The following SPP1 variants were observed in gnomAD, a reference collection of about 807,000 sequenced individuals.
The protein encoded by SPP1 is osteopontin.
SPP1 carries 18 observed loss-of-function variants against 20.8 expected under a neutral mutation model. The observed-to-expected ratio is 0.87, with a 90% confidence interval of 0.60 to 1.29. The LOEUF (loss-of-function observed/expected upper bound fraction) is 1.29, where lower values mean the gene tolerates loss of function less well. Among genes scored for constraint, SPP1 ranks in the 50% most tolerant of loss-of-function variants. SPP1 has a pLI of 0.00. For missense variants in SPP1, 363 were observed against 389.0 expected, an observed-to-expected ratio of 0.93 and a Z score of 0.56; for synonymous variants, 146 against 141.5, an observed-to-expected ratio of 1.03 and a Z score of -0.23.
chr4:87,978,308 GT>G (rs781670241), intron 3 of SPP1, among the ~76,000 whole-genome samples: 9 of 150,702 alleles, frequency 6.0e-5, no homozygotes, highest in Non-Finnish European at 1.3e-4. Flanking sequence ...TATTACATGT[GT>G]CATGAGAATA....
intron 5 of SPP1, 138 bp from the exon 6 acceptor site, chr4:87,981,337 A>ATGTAC: frequency 1.4e-6 from 1 of 712,936 alleles, no homozygotes; most frequent in South Asian, 2.2e-5. Context: ...TTTAGCTCCT[A>ATGTAC]AAAGCCATGG....
At chr4:87,978,823 C>G (rs531967967) in intron 3 of SPP1, among the ~76,000 whole-genome samples, 105 of 152,232 alleles carry the variant, frequency 6.9e-4, no homozygotes, top group African/African-American at 2.5e-3. Context: ...ACTCATCCAC[C>G]CCTTAGGTGG....
chr4:87,983,000 T>A lies in SPP1; in HGVS notation c.*104T>A. On this transcript the variant is annotated 3_prime_UTR_variant, in exon 7 of 7. Coordinates refer to ENST00000395080, the MANE Select transcript of SPP1 (RefSeq NM_001040058.2). ...AAATGCTTCTTTCTCAGTTTATTGG[T>A]TGAATGTGTATCTATTTGAGTCTGG... 1 of 1,159,070 alleles carries A rather than the reference T, an allele frequency of 8.6e-7. No individual in the cohort carries two copies. Among genetic ancestry groups the A allele is most frequent in the South Asian group, 1.6e-5 (1 of 60,792 alleles). 71.8% of individuals were successfully genotyped at this position (1,159,070 alleles called of 1,614,324 possible).
intron 1 of SPP1, 60 bp downstream of exon 1, chr4:87,975,860 ATTCT>A (rs1177916129): frequency 1.3e-5 from 2 of 152,256 alleles, no homozygotes; most frequent in African/African-American, 4.8e-5. Flanking sequence ...GGAAGTCCAA[ATTCT>A]AAGGAAAAAT....
At chr4:87,981,335 C>CATGG in intron 5 of SPP1, 140 bp from the exon 6 acceptor site, 1 of 699,622 alleles carries the variant, frequency 1.4e-6, no homozygotes, top group South Asian at 2.3e-5. Flanking sequence ...ACTTTAGCTC[C>CATGG]TAAAAGCCAT....
At chr4:87,979,571 A>C (rs1202041258) in intron 3 of SPP1, among the ~76,000 whole-genome samples, 1 of 152,184 alleles carries the variant, frequency 6.6e-6, no homozygotes, top group African/African-American at 2.4e-5. Context: ...CATGGACTGG[A>C]CACAATGAAG....
chr4:87,980,339 A>G, intron 4 of SPP1, 54 bp from the exon 5 acceptor site: 2 of 1,602,446 alleles, frequency 1.2e-6, no homozygotes, highest in East Asian at 4.5e-5. Context: ...TAACTTTTGA[A>G]TAAAAAAGCT....
chr4:87,977,258 C>T (rs1368910133), intron 3 of SPP1, among the ~76,000 whole-genome samples, 161 bp downstream of exon 3: 1 of 152,162 alleles, frequency 6.6e-6, no homozygotes, highest in African/African-American at 2.4e-5. Context: ...CAGTACCAAG[C>T]ACAGTATAGT....
intron 3 of SPP1, among the ~76,000 whole-genome samples, 163 bp downstream of exon 3, chr4:87,977,260 C>A (rs992287303): frequency 1.3e-5 from 2 of 152,136 alleles, no homozygotes; most frequent in African/African-American, 4.8e-5. Context: ...GTACCAAGCA[C>A]AGTATAGTTT....
intron 3 of SPP1, 80 bp from the exon 4 acceptor site, chr4:87,979,966 A>T: frequency 5.7e-6 from 8 of 1,396,806 alleles, no homozygotes; most frequent in Non-Finnish European, 8.0e-6. Flanking sequence ...TTCCATCAAG[A>T]CTAGTGAAGA....
intron 3 of SPP1, chr4:87,977,669 G>C (rs1178521455): frequency 8.3e-7 from 1 of 1,200,140 alleles, no homozygotes; most frequent in Non-Finnish European, 1.1e-6. Context: ...CAGCACTAAA[G>C]ATGTACCTAC....
In SPP1 at chr4:87,980,197, C is replaced by T. The variant is rs541724425; in HGVS notation, c.174+71C>T. Reference sequence around the variant, plus strand: ...CCACACTCAGGCCATTTGGGCTGCTCAGATGAATCCTGCCTGCCTGCTGGC... The same window carrying T: ...CCACACTCAGGCCATTTGGGCTGCTTAGATGAATCCTGCCTGCCTGCTGGC... On this transcript the variant is annotated intron_variant, in intron 4 of 6. Coordinates refer to ENST00000395080, the MANE Select transcript of SPP1 (RefSeq NM_001040058.2). 4.3e-5 allele frequency: 67 copies of T among 1,552,094 alleles called. No individual in the cohort carries two copies. The African/African-American group carries it at 8.0e-4, about 19-fold the overall frequency.
chr4:87,977,758 A>G, intron 3 of SPP1: 1 of 1,286,202 alleles, frequency 7.8e-7, no homozygotes, highest in Non-Finnish European at 1.0e-6. Context: ...AAAGGCACAC[A>G]GAGTTCAATT....
chr4:87,981,871 C>A, intron 6 of SPP1, 73 bp downstream of exon 6: 1 of 1,180,112 alleles, frequency 8.5e-7, no homozygotes. Flanking sequence ...TTTGCATATT[C>A]ATTCATTCAT....
In SPP1 at chr4:87,982,680, C is replaced by T; in HGVS notation, c.729C>T (p.Ser243=). 1 of 1,613,978 alleles carries T rather than the reference C, an allele frequency of 6.2e-7. No individual in the cohort carries two copies. The stretch of plus-strand genomic sequence containing the variant: ...CTGAAACCCACAGCCACAAGCAGTC[C>T]AGATTATATAAGCGGAAAGCCAATG... ...QSAETHSHKQ[S]RLYKRKANDE... is the part of the protein sequence containing the mutation. The change falls in exon 7 of 7, where the codon TCC becomes TCT. Residue 243 remains serine, a synonymous_variant. Coordinates refer to ENST00000395080, the MANE Select transcript of SPP1 (RefSeq NM_001040058.2).
rs894659744 is a variant in SPP1, at chr4:87,980,549, T to A, written c.216+115T>A. On this transcript the variant is annotated intron_variant, in intron 5 of 6. Coordinates refer to ENST00000395080, the MANE Select transcript of SPP1 (RefSeq NM_001040058.2). Reference sequence around the variant, plus strand: ...AGCAAGTTTTCCAGCTAATTGGCAGTCTAAAACTTGCTCATAAATAAAACA... The same window carrying A: ...AGCAAGTTTTCCAGCTAATTGGCAGACTAAAACTTGCTCATAAATAAAACA... 3.0e-5 allele frequency: 33 copies of A among 1,092,118 alleles called. No individual in the cohort carries two copies. In the South Asian group the frequency reaches 5.0e-4, roughly 17 times the overall value. 67.7% of individuals were successfully genotyped at this position (1,092,118 alleles called of 1,614,324 possible). A position where few individuals can be genotyped will look rare whatever the true frequency, so the allele number is the denominator to read the frequency against.
rs768101938 is a variant in SPP1 at position 87,982,693 on chromosome 4, C to T, written c.742C>T (p.Arg248Trp). The T allele has an allele frequency of 1.2e-5, 20 of 1,613,882 alleles. No individual in the cohort carries two copies. Among genetic ancestry groups the T allele is most frequent in the South Asian group, 7.7e-5 (7 of 91,072 alleles). Reference protein sequence around the residue: ...HSHKQSRLYKRKANDESNEHS... With the variant: ...HSHKQSRLYKWKANDESNEHS... ...CCACAAGCAGTCCAGATTATATAAG[C>T]GGAAAGCCAATGATGAGAGCAATGA... The change falls in exon 7 of 7, where the codon CGG (arginine) becomes TGG (tryptophan). Residue 248 changes from arginine (R) to tryptophan (W), a missense_variant. Coordinates refer to ENST00000395080, the MANE Select transcript of SPP1 (RefSeq NM_001040058.2).
intron 3 of SPP1, among the ~76,000 whole-genome samples, chr4:87,978,584 G>A (rs1194693851): frequency 2.0e-5 from 3 of 151,918 alleles, no homozygotes; most frequent in East Asian, 1.9e-4. Context: ...GGGTTTCACC[G>A]TGTTAGCCAG....
intron 3 of SPP1, chr4:87,977,647 T>C (rs995444110): frequency 8.9e-7 from 1 of 1,126,602 alleles, no homozygotes; most frequent in Non-Finnish European, 1.1e-6. Context: ...CTCTTTATTA[T>C]AATTATTTGA....
Sources: allele counts gnomAD v4.1 joint callset (sites outside exome capture counted in the v4.1 genomes callset), GRCh38; gene constraint gnomAD v4.1.1; transcripts MANE v1.5; gene names NCBI Gene and HGNC (gene_info 2026-07-23, HGNC 2026-07-21).